Variants in RBKS observed in about 807,000 individuals in gnomAD.
The protein encoded by RBKS is ribokinase.
A neutral mutation model predicts 33.9 loss-of-function variants in RBKS; 33 were observed. The ratio of observed to expected loss-of-function variants is 0.97; its 90% CI spans 0.74 to 1.30. The LOEUF is 1.30. Ranked by LOEUF, RBKS falls within the 50% of genes most tolerant of loss-of-function variation. The pLI is 0.00. For missense variants in RBKS, 361 were observed against 392.6 expected, an observed-to-expected ratio of 0.92 and a Z score of 0.68; for synonymous variants, 125 against 143.0, an observed-to-expected ratio of 0.87 and a Z score of 0.90.
intron 6 of RBKS, among the ~76,000 whole-genome samples, chr2:27,832,374 AATATAG>A (rs1205038669): frequency 6.6e-6 from 1 of 152,234 alleles, no homozygotes; most frequent in African/African-American, 2.4e-5. Context: ...TGGCAACTTT[AATATAG>A]TCCTCAGAAC....
intron 6 of RBKS, among the ~76,000 whole-genome samples, chr2:27,828,684 C>T (rs1678364442): frequency 6.6e-6 from 1 of 152,162 alleles, no homozygotes; most frequent in Non-Finnish European, 1.5e-5. Context: ...ATTTCTCTTT[C>T]AATATACTAA....
intron 7 of RBKS, among the ~76,000 whole-genome samples, chr2:27,783,812 C>T (rs2148178936): frequency 6.8e-6 from 1 of 147,398 alleles, no homozygotes; most frequent in Non-Finnish European, 1.5e-5. Flanking sequence ...GAGGCTGAGG[C>T]AGGAGAATGG....
In RBKS at chr2:27,890,320, C is replaced by G. The variant is rs1433506955; in HGVS notation, c.26G>C (p.Arg9Thr). The change falls in exon 1 of 8, where the codon AGG (arginine) becomes ACG (threonine). Residue 9 changes from arginine to threonine, a missense_variant. Coordinates refer to ENST00000302188, the MANE Select transcript of RBKS (RefSeq NM_022128.3). This position sits in a 1 kb window ranked among gnomAD's most constrained non-coding sequence, Gnocchi z 4.8. MAASGEPQ[R>T]QWQEEVAAVV... ...CGCCGCCACCTCCTCTTGCCACTGC[C>G]TCTGGGGTTCCCCAGACGCCGCCAT... The G allele has an allele frequency of 6.2e-7, 1 of 1,613,836 alleles. No individual in the cohort carries two copies. The highest frequency in any genetic ancestry group is 8.5e-7 in the Non-Finnish European group (1 of 1,179,998).
At chr2:27,823,928 G>A (rs1678264699) in intron 7 of RBKS, among the ~76,000 whole-genome samples, 1 of 152,084 alleles carries the variant, frequency 6.6e-6, no homozygotes, top group Non-Finnish European at 1.5e-5. Context: ...ACTCTTTAAA[G>A]GGGTATGCTT....
At chr2:27,845,404 G>A (rs769781533) in intron 4 of RBKS, among the ~76,000 whole-genome samples, 11 of 152,258 alleles carry the variant, frequency 7.2e-5, no homozygotes, top group Non-Finnish European at 1.2e-4. Flanking sequence ...GGGCATTACC[G>A]TACACTGTAA....
At chr2:27,887,502 A>G (rs912801428) in intron 1 of RBKS, among the ~76,000 whole-genome samples, 1 of 152,210 alleles carries the variant, frequency 6.6e-6, no homozygotes, top group Non-Finnish European at 1.5e-5. Flanking sequence ...AGTTGCACCC[A>G]AGTTTATCAC....
chr2:27,853,005 T>C (rs1663783026), intron 2 of RBKS, among the ~76,000 whole-genome samples: 1 of 152,160 alleles, frequency 6.6e-6, no homozygotes, highest in African/African-American at 2.4e-5. Context: ...ATAAGAAGAA[T>C]ATATAAAATC....
At chr2:27,844,687 G>A (rs185133785) in intron 4 of RBKS, among the ~76,000 whole-genome samples, 8 of 152,164 alleles carry the variant, frequency 5.3e-5, no homozygotes, top group African/African-American at 1.4e-4. Flanking sequence ...GTGGGCTACC[G>A]TACCCAGCCA....
intron 7 of RBKS, among the ~76,000 whole-genome samples, chr2:27,789,944 T>C (rs889949618): frequency 3.3e-5 from 4 of 119,610 alleles, no homozygotes; most frequent in African/African-American, 9.9e-5. Context: ...TATATATGTA[T>C]ATGTGTATAT....
At chr2:27,854,743 G>T (rs1663820893) in intron 2 of RBKS, among the ~76,000 whole-genome samples, 1 of 149,320 alleles carries the variant, frequency 6.7e-6, no homozygotes. Context: ...AATCAAAGTT[G>T]CTTTTTCTTT....
intron 2 of RBKS, among the ~76,000 whole-genome samples, chr2:27,853,333 A>T (rs1200670187): frequency 2.8e-5 from 4 of 145,238 alleles, no homozygotes; most frequent in African/African-American, 1.0e-4. Flanking sequence ...GTAGTACTAC[A>T]GCCCAGGCAA....
intron 2 of RBKS, among the ~76,000 whole-genome samples, chr2:27,857,508 G>T (rs958533722): frequency 2.6e-5 from 4 of 152,144 alleles, no homozygotes; most frequent in African/African-American, 9.7e-5. Context: ...GTTATATGTA[G>T]CTCATTAAGG....
intron 1 of RBKS, among the ~76,000 whole-genome samples, chr2:27,888,247 C>A (rs1664587877): frequency 6.6e-6 from 1 of 152,092 alleles, no homozygotes; most frequent in Non-Finnish European, 1.5e-5. Flanking sequence ...CCTGCCTCAG[C>A]CTCCTGAGTA....
chr2:27,812,472 A>T (rs1320562752), intron 7 of RBKS, among the ~76,000 whole-genome samples: 1 of 152,236 alleles, frequency 6.6e-6, no homozygotes, highest in Non-Finnish European at 1.5e-5. Flanking sequence ...ATGTCCATCA[A>T]TGATAAACTG....
chr2:27,836,803 A>G (rs1678529852), intron 5 of RBKS, among the ~76,000 whole-genome samples: 1 of 152,210 alleles, frequency 6.6e-6, no homozygotes, highest in Non-Finnish European at 1.5e-5. Context: ...ATCGACAAGC[A>G]AAAAACAACT....
intron 2 of RBKS, among the ~76,000 whole-genome samples, chr2:27,852,617 T>C (rs1184147715): frequency 6.6e-6 from 1 of 152,128 alleles, no homozygotes; most frequent in Non-Finnish European, 1.5e-5. Flanking sequence ...AATCCTCAAA[T>C]GGCAGAAACC....
intron 7 of RBKS, among the ~76,000 whole-genome samples, chr2:27,798,502 A>G (rs1677705141): frequency 6.6e-6 from 1 of 151,958 alleles, no homozygotes; most frequent in Admixed American, 6.5e-5. Flanking sequence ...TAAATCCTAA[A>G]TGTTTCTCAA....
At chr2:27,801,588 CTG>C (rs1677785216) in intron 7 of RBKS, among the ~76,000 whole-genome samples, 1 of 151,758 alleles carries the variant, frequency 6.6e-6, no homozygotes, top group East Asian at 1.9e-4. Context: ...TCAGTACAAA[CTG>C]TAATATAATG....
At chr2:27,796,824 C>T (rs903198516) in intron 7 of RBKS, among the ~76,000 whole-genome samples, 4 of 152,082 alleles carry the variant, frequency 2.6e-5, no homozygotes, top group African/African-American at 2.4e-5. Context: ...TGCTAGGGCT[C>T]GAGGCAATGT....
Sources: gnomAD v4.1 joint callset for allele counts (sites outside exome capture counted in the v4.1 genomes callset) on GRCh38, gnomAD v4.1.1 for gene constraint, Gnocchi (gnomAD v3.1) non-coding constraint, MANE v1.5 for transcripts, NCBI Gene and HGNC (gene_info 2026-07-23, HGNC 2026-07-21) for gene names.